The following CLASP2 variants were observed in gnomAD, a reference collection of about 807,000 sequenced individuals.
CLASP2 encodes cytoplasmic linker associated protein 2, also known as CLIP-associating protein 2.
Under a neutral mutation model 194.4 loss-of-function variants are expected in CLASP2, and 47 were observed. That is an observed-to-expected ratio of 0.24 (90% CI 0.19 to 0.31). The LOEUF is 0.31. CLASP2 is among the 10% of genes least tolerant of loss of function. CLASP2 has a pLI of 1.00. For missense variants in CLASP2, 1,445 were observed against 1,823.6 expected (o/e 0.79, Z 3.78); for synonymous variants, 619 against 633.5 (o/e 0.98, Z 0.34).
At chr3:33,571,062 G>A (rs944484223) in intron 25 of CLASP2, among the ~76,000 whole-genome samples, 1 of 138,256 alleles carries the variant, frequency 7.2e-6, no homozygotes, top group East Asian at 2.3e-4. Context: ...CGCCCAGGCT[G>A]GAGTGCAGTG....
At chr3:33,587,207 G>A (rs1319734626) in intron 21 of CLASP2, among the ~76,000 whole-genome samples, 1 of 151,274 alleles carries the variant, frequency 6.6e-6, no homozygotes, top group Non-Finnish European at 1.5e-5. Context: ...CTCACTGCAC[G>A]CTCTGCCACC....
chr3:33,518,195 C>A (rs1325878460), intron 34 of CLASP2, among the ~76,000 whole-genome samples: 2 of 152,110 alleles, frequency 1.3e-5, no homozygotes, highest in Non-Finnish European at 2.9e-5. Context: ...CCAGTGGTTA[C>A]CAAGGAGTTT....
intron 8 of CLASP2, chr3:33,644,468 A>T (rs928966971): frequency 1.1e-5 from 4 of 373,536 alleles, no homozygotes; most frequent in Non-Finnish European, 2.0e-5. Context: ...CTGCTTAAAA[A>T]AAACAAAAAA....
rs1422550659 is a variant in CLASP2 at position 33,677,911 on chromosome 3, G to T, written c.644+6448C>A. ...AAGTAGATAGGTAAGAAGAGAGAAA[G>T]AAATTCTAACAAAGTACCAAAAAAA... On this transcript the variant is annotated intron_variant, in intron 6 of 38. Coordinates refer to ENST00000682230, the MANE Select transcript of CLASP2 (RefSeq NM_001365631.1). Among the ~76,000 whole-genome samples the T allele has an allele frequency of 9.1e-5, 8 of 87,960 alleles. No individual in the cohort carries two copies. In the Admixed American group the frequency reaches 9.5e-4, roughly 10 times the overall value. The allele number at this position is 87,960 out of a possible 152,430, so 57.7% of individuals were successfully genotyped here.
At chr3:33,640,543 T>C (rs2081089130) in intron 8 of CLASP2, among the ~76,000 whole-genome samples, 2 of 150,330 alleles carry the variant, frequency 1.3e-5, no homozygotes, top group African/African-American at 4.8e-5. Context: ...AATGAGTGAG[T>C]GAGTGAGTGA....
At chr3:33,529,696 C>T (rs1293091692) in intron 34 of CLASP2, among the ~76,000 whole-genome samples, 1 of 152,148 alleles carries the variant, frequency 6.6e-6, no homozygotes, top group Non-Finnish European at 1.5e-5. Context: ...ACTAAAAGAT[C>T]TTCGGCCGGG....
rs755451718 is a variant in CLASP2 at position 33,510,601 on chromosome 3, G to A, written c.4274C>T (p.Thr1425Ile). 1.2e-6 allele frequency: 2 copies of A among 1,613,876 alleles called. No individual in the cohort carries two copies. The highest frequency in any genetic ancestry group is 1.7e-6 in the Non-Finnish European group (2 of 1,179,862). Reference sequence around the variant, plus strand: ...AATCTCTGGCAAAAGCAGGTTTAGGGTTTCCTTGGACACTCTCTCTATCAC... The same window carrying A: ...AATCTCTGGCAAAAGCAGGTTTAGGATTTCCTTGGACACTCTCTCTATCAC... ...TKVIERVSKETLNLLLPEIMP... is the reference protein window; with the variant it reads ...TKVIERVSKEILNLLLPEIMP... The change falls in exon 37 of 39, where the codon ACC (threonine) becomes ATC (isoleucine). Residue 1425 changes from threonine (T) to isoleucine (I), a missense_variant. This residue lies in a region of CLASP2 where 732 missense variants were observed against 987.9 expected (regional missense o/e 0.74). Transcript: ENST00000682230.
chr3:33,670,773 A>G (rs924683304), intron 6 of CLASP2, among the ~76,000 whole-genome samples: 2 of 152,200 alleles, frequency 1.3e-5, no homozygotes, highest in African/African-American at 2.4e-5. Context: ...CAGGGGACAC[A>G]GTCATGGTGG....
chr3:33,644,740 A>C lies in CLASP2; in HGVS notation c.862+17T>G. 6.2e-7 allele frequency: 1 copy of C among 1,612,498 alleles called. No homozygotes were observed. The highest frequency in any genetic ancestry group is 1.3e-5 in the African/African-American group (1 of 75,008). ...GCATGGAGCATGCATAACAGATTTG[A>C]AATGGATTTACATTACCTCCAACCT... On this transcript the variant is annotated intron_variant, in intron 8 of 38. Transcript: ENST00000682230.
At chr3:33,658,923 T>C in intron 7 of CLASP2, 1 of 1,456,182 alleles carries the variant, frequency 6.9e-7, no homozygotes, top group Non-Finnish European at 9.3e-7. Context: ...ATCGTCACCT[T>C]AAAAGGAAGT....
intron 9 of CLASP2, among the ~76,000 whole-genome samples, chr3:33,631,689 T>C (rs1478498830): frequency 6.9e-6 from 1 of 145,702 alleles, no homozygotes; most frequent in Non-Finnish European, 1.5e-5. Context: ...AGAGCTAGAC[T>C]TCATCTCAAA....
chr3:33,578,323 T>C (rs1305452230), intron 23 of CLASP2, among the ~76,000 whole-genome samples: 2 of 152,196 alleles, frequency 1.3e-5, no homozygotes, highest in Non-Finnish European at 2.9e-5. Context: ...TATCTCCCTA[T>C]ATATTGCTCT....
chr3:33,682,292 T>C (rs1173745034), intron 6 of CLASP2, among the ~76,000 whole-genome samples: 1 of 152,174 alleles, frequency 6.6e-6, no homozygotes, highest in African/African-American at 2.4e-5. Context: ...GTATTGTGAC[T>C]GACAAAAAAT....
intron 34 of CLASP2, among the ~76,000 whole-genome samples, chr3:33,529,435 A>T (rs745616818): frequency 2.9e-4 from 44 of 152,222 alleles, no homozygotes; most frequent in Non-Finnish European, 5.7e-4. Context: ...CTACAAGGAT[A>T]CAGTAACCAA....
chr3:33,562,983 G>C (rs1424144048), intron 27 of CLASP2, among the ~76,000 whole-genome samples: 2 of 152,066 alleles, frequency 1.3e-5, no homozygotes, highest in Non-Finnish European at 2.9e-5. Flanking sequence ...CCCTCAATTT[G>C]ATTTCCTCTA....
At chr3:33,557,275 C>A (rs144138071) in intron 29 of CLASP2, among the ~76,000 whole-genome samples, 4 of 152,118 alleles carry the variant, frequency 2.6e-5, no homozygotes, top group Non-Finnish European at 5.9e-5. Flanking sequence ...TGCCCAGCCT[C>A]ACCCTTACTT....
Position 33,584,874 on chromosome 3 carries a change from G to C in CLASP2, c.2115C>G (p.Ala705=). ...GSPGRVLTTT[A]LSTVSSGVQR... ...GAACACCAGAGCTCACAGTGGACAG[G>C]GCTGTTGTGGTCAGAACTCTTCCTG... The change falls in exon 22 of 39, where the codon GCC becomes GCG. Residue 705 remains alanine, a synonymous_variant. Transcript: ENST00000682230. 6.2e-7 allele frequency: 1 copy of C among 1,613,822 alleles called. No individual in the cohort carries two copies. Among genetic ancestry groups the C allele is most frequent in the Non-Finnish European group, 8.5e-7 (1 of 1,179,828 alleles).
chr3:33,639,465 T>A, intron 8 of CLASP2, among the ~76,000 whole-genome samples: 1 of 152,218 alleles, frequency 6.6e-6, no homozygotes. Context: ...TTAGTTGGCT[T>A]AATTTCTCTT....
chr3:33,659,449 T>A (rs1159829516), intron 7 of CLASP2: 5 of 974,686 alleles, frequency 5.1e-6, no homozygotes, highest in Non-Finnish European at 6.1e-6. Flanking sequence ...AATCACATGA[T>A]CTGATGGATT....
Sources: allele counts gnomAD v4.1 joint callset (sites outside exome capture counted in the v4.1 genomes callset), GRCh38; gene constraint gnomAD v4.1.1; regional missense constraint gnomAD v4.1.1; transcripts MANE v1.5; gene names NCBI Gene and HGNC (gene_info 2026-07-23, HGNC 2026-07-21).